The following CAPN5 variants were observed in gnomAD, a reference collection of about 807,000 sequenced individuals.
CAPN5 encodes the protein calpain-5.
Under a neutral mutation model 73.0 loss-of-function variants are expected in CAPN5, and 54 were observed. The observed-to-expected ratio is 0.74, with a 90% confidence interval of 0.59 to 0.93. The LOEUF (loss-of-function observed/expected upper bound fraction) is 0.93, where lower values mean the gene tolerates loss of function less well. Among genes scored for constraint, CAPN5 ranks in the 40% least tolerant of loss-of-function variants. CAPN5 has a pLI of 0.00. For missense variants in CAPN5, 785 were observed against 882.9 expected, an observed-to-expected ratio of 0.89 and a Z score of 1.41; for synonymous variants, 335 against 356.9, an observed-to-expected ratio of 0.94 and a Z score of 0.69.
chr11:77,108,567 G>A (rs1214832866), intron 3 of CAPN5, among the ~76,000 whole-genome samples: 2 of 152,108 alleles, frequency 1.3e-5, no homozygotes, highest in African/African-American at 4.8e-5. Context: ...TGTAGACAGC[G>A]AGAGGGTAGC....
At chr11:77,084,756 C>T (rs562646231) in intron 1 of CAPN5, 96 bp from the exon 2 acceptor site, 74 of 1,115,840 alleles carry the variant, frequency 6.6e-5, no homozygotes, top group East Asian at 4.1e-4. Flanking sequence ...CTGAGCCTTC[C>T]GTGCCTGTGC....
chr11:77,090,025 G>T (rs782191275), intron 2 of CAPN5, among the ~76,000 whole-genome samples: 2 of 152,218 alleles, frequency 1.3e-5, no homozygotes, highest in African/African-American at 4.8e-5. Flanking sequence ...TTCCTCATCC[G>T]TAAAAAGGGG....
intron 6 of CAPN5, 92 bp downstream of exon 6, chr11:77,115,680 C>T: frequency 1.0e-6 from 1 of 1,004,588 alleles, no homozygotes; most frequent in South Asian, 1.5e-5. Flanking sequence ...TGGGGCTGGG[C>T]CTTGAAGGAT....
In CAPN5 at chr11:77,100,935, C is replaced by T. The variant is rs577235323; in HGVS notation, c.297+7122C>T. Among the ~76,000 whole-genome samples, 20 of 152,330 alleles carry T rather than the reference C, an allele frequency of 1.3e-4. No individual in the cohort carries two copies. The South Asian group carries it at 4.1e-3, about 32-fold the overall frequency. ...ATGCCACAGCCCGGGCCCGGAACTG[C>T]TCTCCCTGGAGGTCTTCAGCCAAAG... On this transcript the variant is annotated intron_variant, in intron 3 of 12. Transcript: ENST00000648180.
At position 77,123,953 on chromosome 11, in the gene CAPN5, G is replaced by A; in HGVS notation, c.*83G>A. ...GGCCTGAGTCTAGCCTGGGAGCCAG[G>A]ATACTGGGGTCCTTTTCCCACTCTT... On this transcript the variant is annotated 3_prime_UTR_variant, in exon 13 of 13. Coordinates refer to ENST00000648180, the MANE Select transcript of CAPN5 (RefSeq NM_004055.5). The A allele has an allele frequency of 1.5e-6, 2 of 1,343,356 alleles. No individual in the cohort carries two copies. Among genetic ancestry groups the A allele is most frequent in the Admixed American group, 1.9e-5 (1 of 52,272 alleles). 83.2% of individuals were successfully genotyped at this position (1,343,356 alleles called of 1,614,324 possible).
At chr11:77,093,933 G>C (rs941294548) in intron 3 of CAPN5, 120 bp downstream of exon 3, 1 of 1,424,224 alleles carries the variant, frequency 7.0e-7, no homozygotes, top group Non-Finnish European at 9.4e-7. Flanking sequence ...CTGTGCCAGG[G>C]ATGGGGTGGG....
intron 3 of CAPN5, among the ~76,000 whole-genome samples, chr11:77,111,010 G>A (rs1426546124): frequency 1.3e-5 from 2 of 152,012 alleles, no homozygotes; most frequent in African/African-American, 2.4e-5. Context: ...CAGGGCCAGG[G>A]GTCATTCACC....
chr11:77,119,514 C>G (rs1555042378), intron 9 of CAPN5: 1 of 260,532 alleles, frequency 3.8e-6, no homozygotes, highest in African/African-American at 2.2e-5. Context: ...CTCAGGGCCC[C>G]TTGCAGCCCC....
At chr11:77,092,441 A>G (rs964761705) in intron 2 of CAPN5, among the ~76,000 whole-genome samples, 7 of 152,254 alleles carry the variant, frequency 4.6e-5, no homozygotes, top group Non-Finnish European at 8.8e-5. Flanking sequence ...GAAGAGGTGG[A>G]AAGCCCAGGC....
intron 7 of CAPN5, among the ~76,000 whole-genome samples, chr11:77,116,622 G>A (rs782030609): frequency 1.3e-5 from 2 of 152,190 alleles, no homozygotes; most frequent in Non-Finnish European, 2.9e-5. Flanking sequence ...GGATCTCCCC[G>A]GCAAGGGTAA....
chr11:77,101,975 C>T (rs986884046), intron 3 of CAPN5, among the ~76,000 whole-genome samples: 4 of 152,280 alleles, frequency 2.6e-5, no homozygotes, highest in Admixed American at 1.3e-4. Context: ...TGCAGGGCTG[C>T]GGCACAGCCA....
chr11:77,085,289 T>C (rs1202333585), intron 2 of CAPN5, among the ~76,000 whole-genome samples: 1 of 152,152 alleles, frequency 6.6e-6, no homozygotes, highest in Admixed American at 6.5e-5. Context: ...TCTCAGGGCC[T>C]CCACTTCCTC....
intron 7 of CAPN5, among the ~76,000 whole-genome samples, chr11:77,117,160 C>T (rs1472826747): frequency 6.6e-6 from 1 of 152,066 alleles, no homozygotes; most frequent in Non-Finnish European, 1.5e-5. Context: ...TGCTTGAGCC[C>T]AGGAGGTTGA....
intron 1 of CAPN5, among the ~76,000 whole-genome samples, chr11:77,083,042 C>G (rs908480983): frequency 6.6e-6 from 1 of 152,282 alleles, no homozygotes; most frequent in Non-Finnish European, 1.5e-5. Flanking sequence ...GAGCTCCTCC[C>G]CTCTCTCCCT....
intron 3 of CAPN5, chr11:77,103,335 C>T (rs1555039329): frequency 6.2e-7 from 1 of 1,602,422 alleles, no homozygotes; most frequent in Non-Finnish European, 8.5e-7. Context: ...GCTCTGACAG[C>T]AGCTGCCAGC....
chr11:77,097,416 A>G (rs1555037617), intron 3 of CAPN5, among the ~76,000 whole-genome samples: 1 of 148,948 alleles, frequency 6.7e-6, no homozygotes, highest in African/African-American at 2.5e-5. Context: ...TAAGGCTTTC[A>G]TTCATCAGAC....
rs115706202 is a variant in CAPN5 at position 77,103,521 on chromosome 11, A to G, written c.298-9068A>G. 1.7e-3 allele frequency among the ~76,000 whole-genome samples: 254 copies of G among 152,274 alleles called. 1 individual carries two copies. The highest frequency in any genetic ancestry group is 5.7e-3 in the African/African-American group (237 of 41,552). ...GGGGCCAGCACTCCAGCTCACAGGA[A>G]GAAGATTCTGAGGCTCCATAGCCTA... On this transcript the variant is annotated intron_variant, in intron 3 of 12. Coordinates refer to ENST00000648180, the MANE Select transcript of CAPN5 (RefSeq NM_004055.5).
At chr11:77,103,341 C>G in intron 3 of CAPN5, 1 of 1,601,310 alleles carries the variant, frequency 6.2e-7, no homozygotes, top group African/African-American at 1.3e-5. Flanking sequence ...ACAGCAGCTG[C>G]CAGCTGCTGC....
intron 1 of CAPN5, among the ~76,000 whole-genome samples, chr11:77,078,140 C>T (rs1949992406): frequency 6.6e-6 from 1 of 152,150 alleles, no homozygotes; most frequent in Admixed American, 6.6e-5. Flanking sequence ...TATCATTGCC[C>T]AGACCAATGT....
Sources: gnomAD v4.1 joint callset for allele counts (sites outside exome capture counted in the v4.1 genomes callset) on GRCh38, gnomAD v4.1.1 for gene constraint, MANE v1.5 for transcripts, NCBI Gene and HGNC (gene_info 2026-07-23, HGNC 2026-07-21) for gene names.